SLC26A5: variants seen among roughly 807,000 people sequenced by gnomAD.
SLC26A5 encodes prestin.
SLC26A5 carries 51 observed loss-of-function variants against 81.0 expected under a neutral mutation model. That is an observed-to-expected ratio of 0.63 (90% CI 0.50 to 0.80). The LOEUF (loss-of-function observed/expected upper bound fraction) is 0.80, where lower values mean the gene tolerates loss of function less well. Among genes scored for constraint, SLC26A5 ranks in the 30% least tolerant of loss-of-function variants. The pLI, the probability that SLC26A5 is intolerant of heterozygous loss-of-function variation, is 0.00. For missense variants in SLC26A5, 771 were observed against 905.8 expected, an observed-to-expected ratio of 0.85 and a Z score of 1.91; for synonymous variants, 325 against 332.8, an observed-to-expected ratio of 0.98 and a Z score of 0.25.
intron 2 of SLC26A5, among the ~76,000 whole-genome samples, chr7:103,432,740 T>C (rs1441290481): frequency 6.6e-6 from 1 of 152,114 alleles, no homozygotes; most frequent in African/African-American, 2.4e-5. Flanking sequence ...TTGTAGGTTT[T>C]TAAAATTCTG....
chr7:103,433,604 G>C (rs1826232435), intron 2 of SLC26A5: 1 of 151,900 alleles, frequency 6.6e-6, no homozygotes, highest in East Asian at 1.9e-4. Context: ...ATTGTTCACT[G>C]CTACTTCTAC....
Position 103,421,461 on chromosome 7 carries a change from C to T in SLC26A5, c.54G>A (p.Val18=). 6.2e-7 allele frequency: 1 copy of T among 1,614,010 alleles called. No individual in the cohort carries two copies. The highest frequency in any genetic ancestry group is 8.5e-7 in the Non-Finnish European group (1 of 1,179,922). Reference sequence around the variant, plus strand: ...CCGGATGACTAAAGATAGGCCTTTCCACATAGTACCTCTGGGTTGCTGCAA... The same window carrying T: ...CCGGATGACTAAAGATAGGCCTTTCTACATAGTACCTCTGGGTTGCTGCAA... ...EILAATQRYY[V]ERPIFSHPVL... is the part of the protein sequence containing the mutation. The change falls in exon 3 of 20, where the codon GTG becomes GTA. Residue 18 remains valine, a synonymous_variant. Transcript: ENST00000306312.
intron 9 of SLC26A5, among the ~76,000 whole-genome samples, chr7:103,396,154 CCATGT>C (rs764222451): frequency 1.4e-4 from 21 of 152,028 alleles, no homozygotes; most frequent in Non-Finnish European, 2.8e-4. Context: ...CTCTTAAATC[CCATGT>C]CATTCAAGGA....
intron 4 of SLC26A5, among the ~76,000 whole-genome samples, chr7:103,414,282 C>G (rs1007432609): frequency 1.3e-5 from 2 of 151,478 alleles, no homozygotes; most frequent in African/African-American, 4.9e-5. Flanking sequence ...ACCTCCCGGG[C>G]TCAAGCAATC....
At chr7:103,370,393 C>T (rs553316506), downstream of SLC26A5, among the ~76,000 whole-genome samples, 1 of 151,836 alleles carries the variant, frequency 6.6e-6, no homozygotes, top group East Asian at 1.9e-4. Context: ...CCCCACCCCC[C>T]CAACACACAC....
intron 6 of SLC26A5, 51 bp downstream of exon 6, chr7:103,411,369 C>A: frequency 6.2e-7 from 1 of 1,607,568 alleles, no homozygotes; most frequent in South Asian, 1.1e-5. Flanking sequence ...TCAGTAGATA[C>A]TTGTTAGGTT....
chr7:103,385,076 G>A lies in SLC26A5; in HGVS notation c.1514+3932C>T, dbSNP rs117097879. On this transcript the variant is annotated intron_variant, in intron 14 of 19. Coordinates refer to ENST00000306312, the MANE Select transcript of SLC26A5 (RefSeq NM_198999.3). ...ACCAAATTGTGAGCTTTGGGGGGCA[G>A]AAGCTGAACCTCTGTCATATTTATA... Among the ~76,000 whole-genome samples the A allele has an allele frequency of 8.8e-3, 1,343 of 152,254 alleles. 9 individuals are homozygous for A. Among genetic ancestry groups the A allele is most frequent in the Non-Finnish European group, 0.016 (1,084 of 68,010 alleles).
chr7:103,435,142 TA>T (rs1192673278), intron 2 of SLC26A5: 6 of 152,296 alleles, frequency 3.9e-5, no homozygotes, highest in African/African-American at 1.4e-4. Context: ...TTTAGTTATT[TA>T]AAAAAATGTT....
chr7:103,380,397 A>G (rs1010386998), intron 15 of SLC26A5, 83 bp downstream of exon 15: 34 of 1,156,994 alleles, frequency 2.9e-5, no homozygotes, highest in Non-Finnish European at 4.2e-5. Flanking sequence ...TCTTACCCCT[A>G]CTTTTTATCC....
At chr7:103,435,289 C>T (rs1826370775) in intron 2 of SLC26A5, among the ~76,000 whole-genome samples, 1 of 152,144 alleles carries the variant, frequency 6.6e-6, no homozygotes, top group South Asian at 2.1e-4. Context: ...AATGATCTCT[C>T]CTCTGGCAAT....
At position 103,367,186 on chromosome 7, in the gene SLC26A5, G is replaced by A. The variant is rs1218555922; in HGVS notation, c.2041+9622C>T. On this transcript the variant is annotated intron_variant, in intron 19 of 19. Transcript: ENST00000339444. The surrounding 1 kb of genome is among the most constrained non-coding windows in gnomAD (Gnocchi z 6.1). The stretch of plus-strand genomic sequence containing the variant: ...AAAACACTAAACTGCCCCATAGGCA[G>A]TTTAAAAAACGTTAAGTAAATCTGT... Among the ~76,000 whole-genome samples, 1 of 152,152 alleles carries A rather than the reference G, an allele frequency of 6.6e-6. No homozygotes were observed. Among genetic ancestry groups the A allele is most frequent in the Middle Eastern group, 3.2e-3 (1 of 316 alleles).
intron 2 of SLC26A5, chr7:103,433,694 TTTTTC>T (rs1166107182): frequency 4.7e-5 from 7 of 149,764 alleles, no homozygotes; most frequent in East Asian, 3.9e-4. Flanking sequence ...TATTAATTTT[TTTTTC>T]TTTCTTTTTT....
chr7:103,411,453 G>A lies in SLC26A5; in HGVS notation c.537C>T (p.Ala179=). ...TTCCTGAAAGTAAGGTCACAGACAT[G>A]GCGACTTTCACTCTCAAGGCATCTC... ...EARDALRVKV[A]MSVTLLSGII... The change falls in exon 6 of 20, where the codon GCC becomes GCT. Residue 179 remains alanine (A), a synonymous_variant. Coordinates refer to ENST00000306312, the MANE Select transcript of SLC26A5 (RefSeq NM_198999.3). 6.2e-7 allele frequency: 1 copy of A among 1,614,130 alleles called. No individual in the cohort carries two copies. The highest frequency in any genetic ancestry group is 8.5e-7 in the Non-Finnish European group (1 of 1,180,012).
chr7:103,392,792 T>G (rs1822771497), intron 10 of SLC26A5, 127 bp downstream of exon 10: 1 of 1,145,108 alleles, frequency 8.7e-7, no homozygotes, highest in African/African-American at 1.5e-5. Flanking sequence ...TTAGCCAGGA[T>G]GGTCTCAATC....
chr7:103,381,145 C>T (rs1821748641), intron 14 of SLC26A5, among the ~76,000 whole-genome samples: 1 of 151,720 alleles, frequency 6.6e-6, no homozygotes, highest in South Asian at 2.1e-4. Flanking sequence ...CCCTCACATG[C>T]ATACACACCA....
intron 13 of SLC26A5, 71 bp from the exon 14 acceptor site, chr7:103,389,185 GCA>G (rs1267615013): frequency 5.9e-5 from 73 of 1,243,228 alleles, no homozygotes; most frequent in South Asian, 2.2e-4. Context: ...ACACAAGTGT[GCA>G]CACACACACA....
chr7:103,442,686 G>T (rs1295490082), intron 2 of SLC26A5, among the ~76,000 whole-genome samples: 1 of 152,146 alleles, frequency 6.6e-6, no homozygotes, highest in Non-Finnish European at 1.5e-5. Flanking sequence ...AAAAATTAAG[G>T]TCCAAAGAAT....
At chr7:103,392,001 A>C (rs879374306) in intron 10 of SLC26A5, among the ~76,000 whole-genome samples, 3 of 152,196 alleles carry the variant, frequency 2.0e-5, no homozygotes, top group Admixed American at 6.5e-5. Flanking sequence ...CCTCTACATA[A>C]ATAACGCTTA....
In SLC26A5 at chr7:103,379,318, T is replaced by A; in HGVS notation, c.1602A>T (p.Gly534=). Reference sequence around the variant, plus strand: ...GTGCATTTATTTGAAATATTTTTATTCCAGGAATTTCTTTCACCTGAAGAG... The same window carrying A: ...GTGCATTTATTTGAAATATTTTTATACCAGGAATTTCTTTCACCTGAAGAG... ...DAYEEVKEIP[G]IKIFQINAPI... is the part of the protein sequence containing the mutation. Residue 534 remains glycine (G), a synonymous_variant, in exon 16 of 20, where the codon GGA becomes GGT. Coordinates refer to ENST00000306312, the MANE Select transcript of SLC26A5 (RefSeq NM_198999.3). 2 of 1,605,614 alleles carry A rather than the reference T, an allele frequency of 1.2e-6. No individual in the cohort carries two copies. The highest frequency in any genetic ancestry group is 1.7e-6 in the Non-Finnish European group (2 of 1,172,650).
Sources: gnomAD v4.1 joint callset for allele counts (sites outside exome capture counted in the v4.1 genomes callset) on GRCh38, gnomAD v4.1.1 for gene constraint, Gnocchi (gnomAD v3.1) non-coding constraint, MANE v1.5 for transcripts, NCBI Gene and HGNC (gene_info 2026-07-23, HGNC 2026-07-21) for gene names.